Variants in NSRP1 observed in about 807,000 individuals in gnomAD.
NSRP1 encodes coiled-coil domain containing 55.
A neutral mutation model predicts 54.7 loss-of-function variants in NSRP1; 24 were observed. The observed-to-expected ratio is 0.44, with a 90% confidence interval of 0.32 to 0.62. The LOEUF is 0.62. Among genes scored for constraint, NSRP1 ranks in the 20% least tolerant of loss-of-function variants. The probability of loss-of-function intolerance (pLI) is 0.06; values close to 1 mark genes in which losing one functional copy is unlikely to be tolerated. For missense variants in NSRP1, 596 were observed against 651.2 expected, an observed-to-expected ratio of 0.92 and a Z score of 0.92; for synonymous variants, 210 against 213.8, an observed-to-expected ratio of 0.98 and a Z score of 0.15.
intron 2 of NSRP1, among the ~76,000 whole-genome samples, chr17:30,132,810 G>A (rs1172101773): frequency 6.6e-6 from 1 of 152,152 alleles, no homozygotes; most frequent in Non-Finnish European, 1.5e-5. Context: ...ATGATGTTTG[G>A]CCTCCACCCA....
intron 2 of NSRP1, among the ~76,000 whole-genome samples, chr17:30,121,699 A>T (rs1021510333): frequency 1.3e-5 from 2 of 151,500 alleles, no homozygotes; most frequent in African/African-American, 4.9e-5. Flanking sequence ...CCTCCTGAGT[A>T]GCTGGGATTA....
chr17:30,122,296 T>G (rs567373766), intron 2 of NSRP1: 29 of 141,368 alleles, frequency 2.1e-4, no homozygotes, highest in African/African-American at 7.2e-4. Flanking sequence ...CATTGGATAT[T>G]CTATTGGATA....
chr17:30,178,162 A>G lies in NSRP1; in HGVS notation c.263A>G (p.Glu88Gly). Residue 88 changes from glutamate (E) to glycine (G), a missense_variant, in exon 4 of 7, where the codon GAA (glutamate) becomes GGA (glycine). By Grantham distance (98) the Glu-to-Gly change is moderately conservative. Coordinates refer to ENST00000247026, the MANE Select transcript of NSRP1 (RefSeq NM_032141.4). ...IYDEMQKKKE[E>G]NNPKLLLGKD... is the part of the protein sequence containing the mutation. ...GATGAAATGCAGAAAAAAAAGGAGGAAAATAATCCCAAATTGCTTTTGGGG... is the reference window on the plus strand; with the variant it reads ...GATGAAATGCAGAAAAAAAAGGAGGGAAATAATCCCAAATTGCTTTTGGGG... 6.2e-7 allele frequency: 1 copy of G among 1,609,732 alleles called. No homozygotes were observed.
At chr17:30,152,423 ATT>A (rs200742872) in intron 2 of NSRP1, among the ~76,000 whole-genome samples, 19 of 132,082 alleles carry the variant, frequency 1.4e-4, no homozygotes, top group Admixed American at 2.3e-4. Flanking sequence ...CAGCCTAAGA[ATT>A]TTTTTTTTTT....
At chr17:30,123,500 A>G (rs1302753969) in intron 2 of NSRP1, among the ~76,000 whole-genome samples, 1 of 152,162 alleles carries the variant, frequency 6.6e-6, no homozygotes, top group Non-Finnish European at 1.5e-5. Flanking sequence ...GTTTGTAAGT[A>G]TATTCTCCTG....
At chr17:30,152,790 C>G (rs1567798247) in intron 2 of NSRP1, among the ~76,000 whole-genome samples, 1 of 151,006 alleles carries the variant, frequency 6.6e-6, no homozygotes, top group Non-Finnish European at 1.5e-5. Flanking sequence ...TGGTAACCTA[C>G]TTTGTTCTTC....
In NSRP1 at chr17:30,178,996, A is replaced by G. The variant is rs1318855346; in HGVS notation, c.301-94A>G. On this transcript the variant is annotated intron_variant, in intron 4 of 6. Coordinates refer to ENST00000247026, the MANE Select transcript of NSRP1 (RefSeq NM_032141.4). The stretch of plus-strand genomic sequence containing the variant: ...TAGGGAAGACAATCTTATTTGGGCC[A>G]ATCATTTCTATCTTAATGAATTCAT... 4 of 712,940 alleles carry G rather than the reference A, an allele frequency of 5.6e-6. No individual in the cohort carries two copies. The African/African-American group carries it at 7.3e-5, about 13-fold the overall frequency. The allele number at this position is 712,940 out of a possible 1,614,324, so 44.2% of individuals were successfully genotyped here. A position where few individuals can be genotyped will look rare whatever the true frequency, so the allele number is the denominator to read the frequency against.
chr17:30,180,414 C>T (rs1412478529), intron 5 of NSRP1, among the ~76,000 whole-genome samples: 3 of 152,166 alleles, frequency 2.0e-5, no homozygotes, highest in African/African-American at 4.8e-5. Context: ...CCTCAGCCTC[C>T]CAAAGTTGTA....
intron 2 of NSRP1, among the ~76,000 whole-genome samples, chr17:30,123,935 C>A (rs926995010): frequency 2.0e-4 from 30 of 152,072 alleles, no homozygotes; most frequent in African/African-American, 7.2e-4. Context: ...ATTGGACATG[C>A]TTATCTTGCA....
At chr17:30,184,550 C>T in intron 6 of NSRP1, 65 bp from the exon 7 acceptor site, 1 of 1,496,980 alleles carries the variant, frequency 6.7e-7, no homozygotes, top group South Asian at 1.4e-5. Flanking sequence ...ATGAACCCTT[C>T]ATTTGCTTAT....
intron 2 of NSRP1, among the ~76,000 whole-genome samples, chr17:30,135,417 G>A (rs932246276): frequency 4.6e-5 from 7 of 151,892 alleles, no homozygotes; most frequent in Admixed American, 3.3e-4. Context: ...GAGCCACCAT[G>A]CCTGGCGCTT....
intron 4 of NSRP1, 141 bp downstream of exon 4, chr17:30,178,340 T>G (rs1905194346): frequency 3.5e-6 from 3 of 852,732 alleles, no homozygotes; most frequent in South Asian, 4.3e-5. Flanking sequence ...ATATTACAAA[T>G]TTGATTGTAG....
At chr17:30,145,802 TCTG>T (rs2071849345) in intron 2 of NSRP1, among the ~76,000 whole-genome samples, 1 of 152,138 alleles carries the variant, frequency 6.6e-6, no homozygotes, top group African/African-American at 2.4e-5. Flanking sequence ...TATCCGTGAA[TCTG>T]CTGCTAAGCT....
chr17:30,129,205 G>T (rs1221825345), intron 2 of NSRP1, among the ~76,000 whole-genome samples: 1 of 151,886 alleles, frequency 6.6e-6, no homozygotes, highest in Non-Finnish European at 1.5e-5. Flanking sequence ...TAGAAGACTA[G>T]GAGAGAAAAT....
chr17:30,170,247 A>G (rs1025204260), intron 2 of NSRP1, among the ~76,000 whole-genome samples: 12 of 152,194 alleles, frequency 7.9e-5, no homozygotes, highest in Non-Finnish European at 1.5e-4. Context: ...ATTATGGGAT[A>G]TAGATGGTAA....
At chr17:30,161,355 C>G (rs906431940) in intron 2 of NSRP1, among the ~76,000 whole-genome samples, 2 of 152,036 alleles carry the variant, frequency 1.3e-5, no homozygotes, top group Admixed American at 6.6e-5. Context: ...TGCTTGTGTT[C>G]ATTTTTGTCT....
intron 2 of NSRP1, among the ~76,000 whole-genome samples, chr17:30,120,066 C>T (rs1017558068): frequency 1.3e-5 from 2 of 152,150 alleles, no homozygotes; most frequent in African/African-American, 4.8e-5. Flanking sequence ...TCCCCACTTG[C>T]TACCCCAGAC....
At chr17:30,155,825 CTTAAT>C (rs1220956165) in intron 2 of NSRP1, among the ~76,000 whole-genome samples, 2 of 152,000 alleles carry the variant, frequency 1.3e-5, no homozygotes, top group Admixed American at 6.6e-5. Context: ...TTACCCATCT[CTTAAT>C]TTTATTTTAT....
intron 2 of NSRP1, among the ~76,000 whole-genome samples, chr17:30,123,775 A>G (rs971161908): frequency 1.3e-5 from 2 of 151,892 alleles, no homozygotes; most frequent in African/African-American, 4.8e-5. Flanking sequence ...ATTCATTTGC[A>G]TATGGATATC....
Sources: allele counts gnomAD v4.1 joint callset (sites outside exome capture counted in the v4.1 genomes callset), GRCh38; gene constraint gnomAD v4.1.1; transcripts MANE v1.5; gene names NCBI Gene and HGNC (gene_info 2026-07-23, HGNC 2026-07-21).